The following CENPF variants were observed in gnomAD, a reference collection of about 807,000 sequenced individuals.
CENPF encodes the protein centromere protein F.
In CENPF, 214 loss-of-function variants were observed where a neutral mutation model predicts 307.3. That is an observed-to-expected ratio of 0.70 (90% CI 0.62 to 0.78). The LOEUF (loss-of-function observed/expected upper bound fraction) is 0.78. CENPF is among the 30% of genes least tolerant of loss of function. The pLI is 0.00. For synonymous variants in CENPF, 1,259 were observed against 1,270.6 expected, an observed-to-expected ratio of 0.99 and a Z score of 0.19; for missense variants, 3,401 against 3,483.9, an observed-to-expected ratio of 0.98 and a Z score of 0.60.
At chr1:214,623,544 TTTG>T (rs149516983) in intron 7 of CENPF, among the ~76,000 whole-genome samples, 8,746 of 152,022 alleles carry the variant, frequency 0.058, 794 homozygotes, top group African/African-American at 0.2. Flanking sequence ...AGCCTGTTAT[TTTG>T]TTGTTGTTGT....
chr1:214,615,457 C>T (rs886185045), intron 3 of CENPF, among the ~76,000 whole-genome samples: 1 of 151,834 alleles, frequency 6.6e-6, no homozygotes, highest in East Asian at 1.9e-4. Flanking sequence ...ACAGCTGTTA[C>T]CGAAAAGATG....
chr1:214,607,048 T>G (rs545740036), intron 1 of CENPF, among the ~76,000 whole-genome samples: 1 of 152,232 alleles, frequency 6.6e-6, no homozygotes, highest in Admixed American at 6.5e-5. Context: ...ACTCCACAGC[T>G]CGCCACTCAC....
In CENPF at chr1:214,628,259, CCTT is replaced by C. The variant is rs567312614; in HGVS notation, c.1069-784_1069-782del. Among the ~76,000 whole-genome samples the C allele has an allele frequency of 1.6e-4, 25 of 152,234 alleles. No homozygotes were observed. The South Asian group carries it at 4.6e-3, about 28-fold the overall frequency. ...AAGTACCTTCTAAAGACTCTTGTAACCTTCTGTGTTTAGTAGAAAAGGATTCTT... is the reference window on the plus strand; with the variant it reads ...AAGTACCTTCTAAAGACTCTTGTAACCTGTGTTTAGTAGAAAAGGATTCTT... On this transcript the variant is annotated intron_variant, in intron 7 of 19. Transcript: ENST00000366955.
rs762332211 is a variant in CENPF at position 214,658,892 on chromosome 1, T to C, written c.9005T>C (p.Leu3002Pro). 95 of 1,613,998 alleles carry C rather than the reference T, an allele frequency of 5.9e-5. No homozygotes were observed. The highest frequency in any genetic ancestry group is 7.8e-5 in the Non-Finnish European group (92 of 1,179,994). ...IPTGKTSPYI[L>P]RRTTMATRTS... ...ACAGGAAAGACTAGCCCATATATCCTGCGAAGAACAACCATGGCAACTCGG... is the reference window on the plus strand; with the variant it reads ...ACAGGAAAGACTAGCCCATATATCCCGCGAAGAACAACCATGGCAACTCGG... The change falls in exon 19 of 20, where the codon CTG becomes CCG. Residue 3002 changes from leucine (L) to proline (P), a missense_variant. By Grantham distance (98) the Leu-to-Pro change is moderately conservative (BLOSUM62 -3). Transcript: ENST00000366955.
chr1:214,608,028 C>A (rs1224885805), intron 1 of CENPF, among the ~76,000 whole-genome samples: 1 of 152,208 alleles, frequency 6.6e-6, no homozygotes, highest in African/African-American at 2.4e-5. Context: ...GGCATCCACG[C>A]CCCTGTGACA....
chr1:214,649,142 A>C (rs1255813439), intron 14 of CENPF, among the ~76,000 whole-genome samples: 1 of 152,206 alleles, frequency 6.6e-6, no homozygotes, highest in Admixed American at 6.5e-5. Flanking sequence ...GCTTTCAACA[A>C]GTTTATCTGC....
At chr1:214,663,113 A>C (rs75776356) in intron 19 of CENPF, among the ~76,000 whole-genome samples, 7 of 152,198 alleles carry the variant, frequency 4.6e-5, no homozygotes, top group Non-Finnish European at 7.3e-5. Flanking sequence ...TCCAAATTCA[A>C]TATGGAAACA....
Position 214,657,161 on chromosome 1 carries a change from C to T in CENPF, c.8714C>T (p.Pro2905Leu). 1.9e-6 allele frequency: 3 copies of T among 1,614,184 alleles called. No individual in the cohort carries two copies. The highest frequency in any genetic ancestry group is 2.5e-6 in the Non-Finnish European group (3 of 1,180,024). ...QDSRGSPLLGPVVPGPSPIPS... is the reference protein window; with the variant it reads ...QDSRGSPLLGLVVPGPSPIPS... ...TCCCGAGGGTCTCCTTTGCTAGGTC[C>T]AGTTGTTCCAGGACCATCTCCAATC... The change falls in exon 18 of 20, where the codon CCA becomes CTA. Residue 2905 changes from proline to leucine, a missense_variant. By Grantham distance (98) the Pro-to-Leu change is moderately conservative. Coordinates refer to ENST00000366955, the MANE Select transcript of CENPF (RefSeq NM_016343.4).
chr1:214,610,782 G>T (rs1657176799), intron 1 of CENPF, among the ~76,000 whole-genome samples: 1 of 152,124 alleles, frequency 6.6e-6, no homozygotes. Context: ...GGATGGTATT[G>T]CCTAGGTTGT....
At chr1:214,629,958 A>G (rs1363247668) in intron 8 of CENPF, among the ~76,000 whole-genome samples, 3 of 152,222 alleles carry the variant, frequency 2.0e-5, no homozygotes, top group Admixed American at 6.5e-5. Flanking sequence ...GTGCCCTTCC[A>G]TAAGTATCTG....
chr1:214,640,851 C>G lies in CENPF; in HGVS notation c.2513C>G (p.Ser838Ter). Reference sequence around the variant, plus strand: ...AATAGAGTTGATTCACTTGAATTTTCATTAGAGTCTCAAAAACAGATGAAC... The same window carrying G: ...AATAGAGTTGATTCACTTGAATTTTGATTAGAGTCTCAAAAACAGATGAAC... ...LQNRVDSLEF[S>*]LESQKQMNSD... The change falls in exon 12 of 20, where the codon TCA becomes TGA. Residue 838 changes from serine (S) to a stop codon, truncating the protein, a stop_gained. Coordinates refer to ENST00000366955, the MANE Select transcript of CENPF (RefSeq NM_016343.4). LOFTEE classifies it high-confidence loss of function. 1 of 1,598,758 alleles carries G rather than the reference C, an allele frequency of 6.3e-7. No individual in the cohort carries two copies. Among genetic ancestry groups the G allele is most frequent in the Non-Finnish European group, 8.5e-7 (1 of 1,175,078 alleles).
intron 3 of CENPF, among the ~76,000 whole-genome samples, chr1:214,616,962 CTCCT>C (rs1398241375): frequency 2.4e-5 from 3 of 125,052 alleles, no homozygotes; most frequent in African/African-American, 8.9e-5. Context: ...CCTTCCTTCC[CTCCT>C]TCCCTCCCTC....
In CENPF at chr1:214,646,397, G is replaced by A; in HGVS notation, c.6827G>A (p.Cys2276Tyr). 1.2e-6 allele frequency: 2 copies of A among 1,614,092 alleles called. No homozygotes were observed. Among genetic ancestry groups the A allele is most frequent in the South Asian group, 1.1e-5 (1 of 91,080 alleles). The stretch of plus-strand genomic sequence containing the variant: ...CTAAATGAGGCAGTAGCAGCCTTGT[G>A]TGGTGACCAAGAAATTATGAAGGCC... ...KELNEAVAAL[C>Y]GDQEIMKATE... Residue 2276 changes from cysteine (C) to tyrosine (Y), a missense_variant, in exon 13 of 20, where the codon TGT becomes TAT. Physicochemically the swap from Cys to Tyr is radical, Grantham distance 194 (BLOSUM62 -2). Coordinates refer to ENST00000366955, the MANE Select transcript of CENPF (RefSeq NM_016343.4).
chr1:214,615,720 C>T (rs1657318656), intron 3 of CENPF, among the ~76,000 whole-genome samples: 1 of 152,074 alleles, frequency 6.6e-6, no homozygotes, highest in Admixed American at 6.6e-5. Flanking sequence ...AAGTGGATTA[C>T]CTGAGGTCAG....
chr1:214,638,782 C>T (rs141039845), intron 11 of CENPF, among the ~76,000 whole-genome samples: 4,511 of 152,176 alleles, frequency 0.03, 102 homozygotes, highest in Middle Eastern at 0.088. Flanking sequence ...CCAGCCAGGG[C>T]GACAGAGCGA....
intron 7 of CENPF, among the ~76,000 whole-genome samples, chr1:214,625,020 A>C (rs1025713020): frequency 2.0e-5 from 3 of 152,070 alleles, no homozygotes; most frequent in African/African-American, 7.2e-5. Flanking sequence ...CCCTTTTATC[A>C]CTATTTAGTG....
At chr1:214,648,648 A>G (rs2102570593) in intron 13 of CENPF, 27 bp from the exon 14 acceptor site, 1 of 1,610,050 alleles carries the variant, frequency 6.2e-7, no homozygotes, top group Non-Finnish European at 8.5e-7. Flanking sequence ...ACCAAAAAGC[A>G]GATTCTAATG....
intron 11 of CENPF, 86 bp from the exon 12 acceptor site, chr1:214,639,835 T>A (rs1488530398): frequency 6.0e-6 from 5 of 827,596 alleles, no homozygotes; most frequent in Non-Finnish European, 8.4e-6. Flanking sequence ...GTTTGGATTT[T>A]GCCAGGGGGC....
rs745490023 is a variant in CENPF at position 214,630,524 on chromosome 1, T to C, written c.1195-10T>C. The C allele has an allele frequency of 5.6e-6, 9 of 1,613,860 alleles. No homozygotes were observed. Among genetic ancestry groups the C allele is most frequent in the Middle Eastern group, 1.6e-4 (1 of 6,066 alleles). ...TCATCAGGCTGATGCACCTGCCCTT[T>C]GTTTTTCAGGAGCTCTCCCGTCAAC... On this transcript the variant is annotated splice_polypyrimidine_tract_variant and intron_variant, in intron 8 of 19. Coordinates refer to ENST00000366955, the MANE Select transcript of CENPF (RefSeq NM_016343.4).
Sources: allele counts gnomAD v4.1 joint callset (sites outside exome capture counted in the v4.1 genomes callset), GRCh38; gene constraint gnomAD v4.1.1; transcripts MANE v1.5; gene names NCBI Gene and HGNC (gene_info 2026-07-23, HGNC 2026-07-21).